Variants in DOP1B observed in about 807,000 individuals in gnomAD.
The protein encoded by DOP1B is protein DOP1B.
DOP1B carries 174 observed loss-of-function variants against 233.5 expected under a neutral mutation model. The observed-to-expected ratio is 0.75, with a 90% CI of 0.66 to 0.85. The LOEUF is 0.85. DOP1B is among the 40% of genes least tolerant of loss of function. The pLI, the probability that DOP1B is intolerant of heterozygous loss-of-function variation, is 0.00. For missense variants in DOP1B, 2,652 were observed against 2,846.6 expected (o/e 0.93, Z 1.56); for synonymous variants, 1,190 against 1,185.6 (o/e 1.00, Z -0.08).
chr21:36,218,810 C>CT (rs1405616184), intron 9 of DOP1B, among the ~76,000 whole-genome samples: 1 of 152,204 alleles, frequency 6.6e-6, no homozygotes, highest in Non-Finnish European at 1.5e-5. Flanking sequence ...GGAAGCTTCT[C>CT]TAACATGCAG....
At chr21:36,199,640 A>T (rs182857790) in intron 3 of DOP1B, among the ~76,000 whole-genome samples, 5 of 151,890 alleles carry the variant, frequency 3.3e-5, no homozygotes, top group East Asian at 3.9e-4. Flanking sequence ...CCTGTGTCCA[A>T]GTGTTCTCAT....
chr21:36,166,869 C>G (rs542423674), intron 2 of DOP1B, among the ~76,000 whole-genome samples: 1 of 152,354 alleles, frequency 6.6e-6, no homozygotes, highest in African/African-American at 2.4e-5. Flanking sequence ...CAGTAAGCTG[C>G]TGGTCTTTTG....
intron 13 of DOP1B, among the ~76,000 whole-genome samples, chr21:36,228,893 C>T (rs1362893524): frequency 6.6e-6 from 1 of 152,148 alleles, no homozygotes; most frequent in East Asian, 1.9e-4. Flanking sequence ...ATCGCTTGAG[C>T]CCAACAGGTT....
intron 2 of DOP1B, among the ~76,000 whole-genome samples, chr21:36,167,891 A>T (rs1362335840): frequency 2.9e-5 from 4 of 139,698 alleles, no homozygotes; most frequent in Non-Finnish European, 6.2e-5. Context: ...GCTGAATAAT[A>T]CTCTATTGTA....
Position 36,284,265 on chromosome 21 carries a change from C to CTTTTTTTTT in DOP1B, c.6160+2669_6160+2677dup, listed in dbSNP as rs71326667. On this transcript the variant is annotated intron_variant, in intron 32 of 36. Coordinates refer to ENST00000691173, the MANE Select transcript of DOP1B (RefSeq NM_001320714.2). Reference sequence around the variant, plus strand: ...GTGGCCAACCACCTGTTCCTTCTTTCTTTTTTTTTTTTTTTTTTTTTTTGA... The same window carrying CTTTTTTTTT: ...GTGGCCAACCACCTGTTCCTTCTTTCTTTTTTTTTTTTTTTTTTTTTTTTTTTTTTTTGA... Among the ~76,000 whole-genome samples the CTTTTTTTTT allele has an allele frequency of 1.6e-3, 122 of 75,868 alleles. 1 individual carries two copies. Among genetic ancestry groups the CTTTTTTTTT allele is most frequent in the Middle Eastern group, 0.021 (1 of 48 alleles). 49.8% of individuals were successfully genotyped at this position (75,868 alleles called of 152,430 possible). A position where few individuals can be genotyped will look rare whatever the true frequency, so the allele number is the denominator to read the frequency against.
intron 12 of DOP1B, among the ~76,000 whole-genome samples, 191 bp from the exon 13 acceptor site, chr21:36,227,495 C>T (rs940221301): frequency 2.0e-4 from 30 of 151,282 alleles, no homozygotes; most frequent in African/African-American, 3.6e-4. Flanking sequence ...TGCAGTGAGC[C>T]GAGATCGCGA....
chr21:36,284,047 A>G (rs909600337), intron 32 of DOP1B, among the ~76,000 whole-genome samples: 17 of 147,892 alleles, frequency 1.1e-4, no homozygotes, highest in African/African-American at 4.3e-4. Context: ...TCCCAGGTTC[A>G]AGCAATTCTC....
chr21:36,289,544 C>G (rs956235253), intron 35 of DOP1B, among the ~76,000 whole-genome samples: 6 of 150,852 alleles, frequency 4.0e-5, no homozygotes, highest in African/African-American at 1.5e-4. Context: ...TTGTGTAGAC[C>G]TTTTTGTCTG....
At chr21:36,240,888 A>T (rs1009639803) in intron 18 of DOP1B, among the ~76,000 whole-genome samples, 2 of 152,214 alleles carry the variant, frequency 1.3e-5, no homozygotes, top group African/African-American at 4.8e-5. Context: ...TAATAAGAAG[A>T]AGTACTGCAT....
intron 5 of DOP1B, 28 bp downstream of exon 5, chr21:36,208,932 G>T: frequency 6.8e-7 from 1 of 1,480,132 alleles, no homozygotes; most frequent in African/African-American, 1.4e-5. Context: ...CACAGGGCAT[G>T]GGGAGGAGGC....
At chr21:36,278,738 G>A (rs139309632) in intron 30 of DOP1B, among the ~76,000 whole-genome samples, 218 of 152,114 alleles carry the variant, frequency 1.4e-3, no homozygotes, top group African/African-American at 4.6e-3. Context: ...GCATGGCAGC[G>A]CACACCTGTA....
chr21:36,293,580 G>A lies in DOP1B; in HGVS notation c.*9G>A. ...AACATCCAGAATGTTAACCATGTGA[G>A]AGAGAATATGTTTAATCCATGTATT... is the stretch of plus-strand genomic sequence containing the variant. On this transcript the variant is annotated 3_prime_UTR_variant, in exon 37 of 37. Transcript: ENST00000691173. 1.2e-6 allele frequency: 2 copies of A among 1,613,500 alleles called. No individual in the cohort carries two copies. Among genetic ancestry groups the A allele is most frequent in the Non-Finnish European group, 1.7e-6 (2 of 1,179,520 alleles).
chr21:36,213,731 G>T (rs2066526739), intron 7 of DOP1B, among the ~76,000 whole-genome samples: 1 of 150,666 alleles, frequency 6.6e-6, no homozygotes, highest in Admixed American at 6.7e-5. Flanking sequence ...GTAGAGACGG[G>T]GTTTCATCAT....
rs367565323 is a variant in DOP1B at position 36,230,629 on chromosome 21, C to T, written c.1845C>T (p.Asp615=). Residue 615 remains aspartate, a synonymous_variant, in exon 14 of 37, where the codon GAC becomes GAT. Coordinates refer to ENST00000691173, the MANE Select transcript of DOP1B (RefSeq NM_001320714.2). Reference sequence around the variant, plus strand: ...CTCGAGTTTCTCTGGAAAGGGACGACGTTTGGAAGAAGGGCGGGAGCATGC... The same window carrying T: ...CTCGAGTTTCTCTGGAAAGGGACGATGTTTGGAAGAAGGGCGGGAGCATGC... The part of the protein sequence containing the change: ...RVPRVSLERD[D]VWKKGGSMQR... 81 of 1,614,014 alleles carry T rather than the reference C, an allele frequency of 5.0e-5. No homozygotes were observed. The highest frequency in any genetic ancestry group is 2.2e-4 in the South Asian group (20 of 91,086).
At position 36,270,008 on chromosome 21, in the gene DOP1B, C is replaced by T. The variant is rs575677881; in HGVS notation, c.5488-5C>T. ...TCCTTTCCCCCTCCTCCTGATAATT[C>T]TCAGGAAATCACTCAGAAAATCCTA... On this transcript the variant is annotated splice_polypyrimidine_tract_variant and splice_region_variant and intron_variant, in intron 26 of 36. Coordinates refer to ENST00000691173, the MANE Select transcript of DOP1B (RefSeq NM_001320714.2). The T allele has an allele frequency of 6.2e-7, 1 of 1,613,632 alleles. No individual in the cohort carries two copies. The highest frequency in any genetic ancestry group is 2.2e-5 in the East Asian group (1 of 44,878).
At chr21:36,248,650 C>T in intron 21 of DOP1B, 82 bp downstream of exon 21, 2 of 1,359,506 alleles carry the variant, frequency 1.5e-6, no homozygotes, top group Non-Finnish European at 9.8e-7. Context: ...GGAAAGTGTG[C>T]ATGATAAACA....
intron 32 of DOP1B, among the ~76,000 whole-genome samples, chr21:36,285,737 G>T (rs868667828): frequency 1.3e-5 from 2 of 152,036 alleles, no homozygotes; most frequent in Non-Finnish European, 2.9e-5. Flanking sequence ...AGGAGGCTGG[G>T]CACAGTGGCC....
intron 21 of DOP1B, among the ~76,000 whole-genome samples, chr21:36,250,319 G>A (rs1466380449): frequency 1.3e-5 from 2 of 152,198 alleles, no homozygotes; most frequent in African/African-American, 2.4e-5. Context: ...CTGCTGCCAC[G>A]CACCAGGCTC....
chr21:36,258,751 C>G (rs1457414933), intron 23 of DOP1B, among the ~76,000 whole-genome samples: 1 of 152,050 alleles, frequency 6.6e-6, no homozygotes, highest in East Asian at 1.9e-4. Flanking sequence ...CAATTCCTGC[C>G]CTCAGTCCTC....
Sources: allele counts gnomAD v4.1 joint callset (sites outside exome capture counted in the v4.1 genomes callset), GRCh38; gene constraint gnomAD v4.1.1; transcripts MANE v1.5; gene names NCBI Gene and HGNC (gene_info 2026-07-23, HGNC 2026-07-21).